The following LSAMP variants were observed in gnomAD, a reference collection of about 807,000 sequenced individuals.
LSAMP encodes the protein limbic system associated membrane protein.
LSAMP carries 7 observed loss-of-function variants against 38.6 expected under a neutral mutation model. The observed-to-expected ratio is 0.18, with a 90% CI of 0.10 to 0.34. LSAMP has a LOEUF of 0.34. Among genes scored for constraint, LSAMP ranks in the 10% least tolerant of loss-of-function variants. LSAMP has a pLI of 1.00. For missense variants in LSAMP, 313 were observed against 420.0 expected (o/e 0.75, Z 2.23); for synonymous variants, 154 against 166.8 (o/e 0.92, Z 0.59).
chr3:116,113,687 A>C (rs1318660359), intron 1 of LSAMP, among the ~76,000 whole-genome samples: 1 of 151,764 alleles, frequency 6.6e-6, no homozygotes, highest in Non-Finnish European at 1.5e-5. Flanking sequence ...GGCCTCCCAA[A>C]GTGCTGGGAT....
In LSAMP at chr3:116,263,862, G is replaced by C. The variant is rs143276171; in HGVS notation, c.156-177306C>G. Reference sequence around the variant, plus strand: ...TATGGTAGCATAGTTTTAAGGCCAAGAGTTTTGCTAAAAGTCTCGGGGAGT... The same window carrying C: ...TATGGTAGCATAGTTTTAAGGCCAACAGTTTTGCTAAAAGTCTCGGGGAGT... On this transcript the variant is annotated intron_variant, in intron 1 of 6. Transcript: ENST00000490035. Among the ~76,000 whole-genome samples the C allele has an allele frequency of 2.5e-3, 380 of 152,264 alleles. 1 individual carries two copies. The highest frequency in any genetic ancestry group is 8.8e-3 in the African/African-American group (366 of 41,554).
intron 2 of LSAMP, among the ~76,000 whole-genome samples, chr3:116,070,640 G>A (rs1309286420): frequency 6.6e-6 from 1 of 152,162 alleles, no homozygotes; most frequent in African/African-American, 2.4e-5. Context: ...CTTGAGTTGA[G>A]GAGATTGACA....
At chr3:116,310,169 CAGACG>C (rs1206062496) in intron 1 of LSAMP, among the ~76,000 whole-genome samples, 5,885 of 152,240 alleles carry the variant, frequency 0.039, 378 homozygotes, top group African/African-American at 0.13. Flanking sequence ...TATCTGGGAA[CAGACG>C]TTCCTTCTTT....
At chr3:116,430,676 A>G (rs900692139) in intron 1 of LSAMP, among the ~76,000 whole-genome samples, 5 of 152,022 alleles carry the variant, frequency 3.3e-5, no homozygotes, top group Admixed American at 6.6e-5. Flanking sequence ...TGAGAAGTTT[A>G]ATATCATTAT....
chr3:116,261,223 CTAAAGTTCTT>C (rs1240956534), intron 1 of LSAMP, among the ~76,000 whole-genome samples: 1 of 152,128 alleles, frequency 6.6e-6, no homozygotes, highest in Non-Finnish European at 1.5e-5. Flanking sequence ...CTCATGCACC[CTAAAGTTCTT>C]TAATCATTTT....
intron 1 of LSAMP, among the ~76,000 whole-genome samples, chr3:116,164,621 TAATCCAA>T (rs1709990255): frequency 8.3e-6 from 1 of 120,482 alleles, no homozygotes; most frequent in Non-Finnish European, 1.7e-5. Context: ...TATATATATA[TAATCCAA>T]ATATATATAT....
chr3:116,216,645 C>T (rs1032524435), intron 1 of LSAMP, among the ~76,000 whole-genome samples: 9 of 151,158 alleles, frequency 6.0e-5, no homozygotes, highest in Non-Finnish European at 1.3e-4. Context: ...GGAAAAAAAA[C>T]TAGCAGGCAC....
chr3:116,411,529 A>G (rs1047768077), intron 1 of LSAMP, among the ~76,000 whole-genome samples: 2 of 150,822 alleles, frequency 1.3e-5, no homozygotes, highest in African/African-American at 2.4e-5. Context: ...CACAAGGACA[A>G]AAAACCAAAC....
intron 1 of LSAMP, among the ~76,000 whole-genome samples, chr3:116,277,998 T>C (rs1163857906): frequency 6.6e-6 from 1 of 152,222 alleles, no homozygotes; most frequent in African/African-American, 2.4e-5. Flanking sequence ...GTACAAGATA[T>C]TGTGCTGATG....
At position 116,075,418 on chromosome 3, in the gene LSAMP, G is replaced by A. The variant is rs961787132; in HGVS notation, c.388+10906C>T. 3.3e-5 allele frequency among the ~76,000 whole-genome samples: 5 copies of A among 152,148 alleles called. No homozygotes were observed. The South Asian group carries it at 1.0e-3, about 32-fold the overall frequency. On this transcript the variant is annotated intron_variant, in intron 2 of 6. Coordinates refer to ENST00000490035, the MANE Select transcript of LSAMP (RefSeq NM_002338.5). ...CCCAAAGTGCTGGGATTACAGGCGT[G>A]AGCCACAGCACCTGGCCTTTTTTCA... is the stretch of plus-strand genomic sequence containing the variant.
chr3:115,957,412 A>T (rs983026969), intron 3 of LSAMP, among the ~76,000 whole-genome samples: 1 of 152,082 alleles, frequency 6.6e-6, no homozygotes. Context: ...CCTTGCCCCA[A>T]ACTTCATCCT....
rs531947494 is a variant in LSAMP at position 116,063,069 on chromosome 3, A to C, written c.388+23255T>G. Reference sequence around the variant, plus strand: ...TAAATTGGTTTTATTATATATTACCACTCCTTATGTACATACATATTGTGT... The same window carrying C: ...TAAATTGGTTTTATTATATATTACCCCTCCTTATGTACATACATATTGTGT... On this transcript the variant is annotated intron_variant, in intron 2 of 6. Transcript: ENST00000490035. 5.2e-4 allele frequency among the ~76,000 whole-genome samples: 79 copies of C among 151,910 alleles called. 2 individuals are homozygous for C. The South Asian group carries it at 0.016, about 31-fold the overall frequency.
intron 1 of LSAMP, among the ~76,000 whole-genome samples, chr3:116,151,899 C>A (rs1013872318): frequency 1.3e-5 from 2 of 152,050 alleles, no homozygotes; most frequent in African/African-American, 4.8e-5. Context: ...CCAAAAGTGA[C>A]ACAAGACTCC....
chr3:116,413,621 A>G (rs2049008503), intron 1 of LSAMP, among the ~76,000 whole-genome samples: 1 of 152,036 alleles, frequency 6.6e-6, no homozygotes, highest in Non-Finnish European at 1.5e-5. Flanking sequence ...ATCAGCACCA[A>G]AGTCCTGTAT....
At chr3:116,001,636 G>A (rs374119159) in intron 3 of LSAMP, among the ~76,000 whole-genome samples, 8 of 152,152 alleles carry the variant, frequency 5.3e-5, no homozygotes, top group African/African-American at 1.7e-4. Flanking sequence ...CTGTTTCCTT[G>A]TCTTTTCCAG....
rs2046314915 is a variant in LSAMP, at chr3:116,223,846, A to T, written c.156-137290T>A. Among the ~76,000 whole-genome samples, 5 of 152,284 alleles carry T rather than the reference A, an allele frequency of 3.3e-5. No homozygotes were observed. In the South Asian group the frequency reaches 1.0e-3, roughly 32 times the overall value. ...GCTGCTGCCTGAGGTCTGACCCTTT[A>T]TGCATACAAACTATATAGAGAAGAT... On this transcript the variant is annotated intron_variant, in intron 1 of 6. Coordinates refer to ENST00000490035, the MANE Select transcript of LSAMP (RefSeq NM_002338.5).
chr3:115,845,430 G>T (rs988901926), intron 4 of LSAMP, among the ~76,000 whole-genome samples: 2 of 152,142 alleles, frequency 1.3e-5, no homozygotes, highest in Non-Finnish European at 2.9e-5. Flanking sequence ...TTTACCCTTG[G>T]TCCCCTACCA....
At chr3:116,378,635 GATTT>G (rs2048520656) in intron 1 of LSAMP, among the ~76,000 whole-genome samples, 1 of 151,996 alleles carries the variant, frequency 6.6e-6, no homozygotes, top group South Asian at 2.1e-4. Context: ...AGCATTTATA[GATTT>G]ATGAAATAGA....
intron 1 of LSAMP, among the ~76,000 whole-genome samples, chr3:116,441,357 G>A (rs1174114621): frequency 2.0e-5 from 3 of 152,232 alleles, no homozygotes; most frequent in Admixed American, 1.3e-4. Context: ...ATACGCATGT[G>A]TATGTACGTT....
Sources: gnomAD v4.1 joint callset for allele counts (sites outside exome capture counted in the v4.1 genomes callset) on GRCh38, gnomAD v4.1.1 for gene constraint, MANE v1.5 for transcripts, NCBI Gene and HGNC (gene_info 2026-07-23, HGNC 2026-07-21) for gene names.